Variants in RFC4 observed in about 807,000 individuals in gnomAD.
RFC4 encodes replication factor C subunit 4.
RFC4 carries 38 observed loss-of-function variants against 47.6 expected under a neutral mutation model. The ratio of observed to expected loss-of-function variants is 0.80; its 90% CI spans 0.62 to 1.05. The LOEUF is 1.05. RFC4 is among the 50% of genes least tolerant of loss of function. The probability of loss-of-function intolerance (pLI) is 0.00; values close to 1 mark genes in which losing one functional copy is unlikely to be tolerated. For synonymous variants in RFC4, 164 were observed against 150.0 expected (o/e 1.09, Z -0.68); for missense variants, 489 against 434.0 (o/e 1.13, Z -1.13).
At chr3:186,802,661 A>G (rs1722382456) in intron 2 of RFC4, among the ~76,000 whole-genome samples, 1 of 152,258 alleles carries the variant, frequency 6.6e-6, no homozygotes, top group South Asian at 2.1e-4. Context: ...CTTTGTGCTT[A>G]GTTAACTAAT....
At chr3:186,792,370 G>C in intron 7 of RFC4, 120 bp downstream of exon 7, 2 of 797,618 alleles carry the variant, frequency 2.5e-6, no homozygotes, top group South Asian at 2.0e-5. Flanking sequence ...TTTAGCTTAA[G>C]TTTGTCTGAA....
At chr3:186,802,023 C>CA (rs34264551) in intron 2 of RFC4, among the ~76,000 whole-genome samples, 12,229 of 92,000 alleles carry the variant, frequency 0.13, 846 homozygotes, top group East Asian at 0.19. Flanking sequence ...AACTTTATCT[C>CA]AAAAAAAAAA....
In RFC4 at chr3:186,806,464, G is replaced by C. The variant is rs1259512445; in HGVS notation, c.-186C>G. On this transcript the variant is annotated 5_prime_UTR_variant, in exon 1 of 11. Coordinates refer to ENST00000296273, the MANE Select transcript of RFC4 (RefSeq NM_002916.5). ...CCACAGTCGCCTCAGTTCCCGCCAC[G>C]GAACGGCGGGCGAAAAGCAGGGCGG... 3 of 152,248 alleles carry C rather than the reference G, an allele frequency of 2.0e-5. No homozygotes were observed. The highest frequency in any genetic ancestry group is 3.2e-3 in the Middle Eastern group (1 of 316). 9.4% of individuals were successfully genotyped at this position (152,248 alleles called of 1,614,324 possible).
In RFC4 at chr3:186,801,710, CAA is replaced by C. The variant is rs34281312; in HGVS notation, c.132-517_132-516del. Among the ~76,000 whole-genome samples the C allele has an allele frequency of 3.4e-3, 246 of 72,890 alleles. 1 individual carries two copies. In the Middle Eastern group the frequency reaches 0.034, roughly 10 times the overall value. The allele number at this position is 72,890 out of a possible 152,430, so 47.8% of individuals were successfully genotyped here. A position where few individuals can be genotyped will look rare whatever the true frequency, so the allele number is the denominator to read the frequency against. On this transcript the variant is annotated intron_variant, in intron 2 of 10. Transcript: ENST00000296273. ...TGGGTGACAGAGGGAGACTCTGTCT[CAA>C]AAAAAAAAAAAAAAAAAAAGAAATT...
intron 2 of RFC4, among the ~76,000 whole-genome samples, chr3:186,802,858 G>C (rs1174011216): frequency 6.6e-6 from 1 of 152,144 alleles, no homozygotes; most frequent in Non-Finnish European, 1.5e-5. Context: ...GCAAGATATA[G>C]TAGGGACCAT....
rs775247271 is a variant in RFC4 at position 186,792,570 on chromosome 3, A to T, written c.595T>A (p.Phe199Ile). ...PLTSRCSKFR[F>I]KPLSDKIQQQ... ...TGAATTTTATCTGACAGAGGCTTGA[A>T]GCGGAATTTTGAACATCTAGAGGTC... is the stretch of plus-strand genomic sequence containing the variant. Residue 199 changes from phenylalanine to isoleucine, a missense_variant, in exon 7 of 11, where the codon TTC becomes ATC. This residue lies in a region of RFC4 where 206 missense variants were observed against 257.8 expected (regional missense o/e 0.80). Coordinates refer to ENST00000296273, the MANE Select transcript of RFC4 (RefSeq NM_002916.5). 1 of 1,614,052 alleles carries T rather than the reference A, an allele frequency of 6.2e-7. No homozygotes were observed. Among genetic ancestry groups the T allele is most frequent in the South Asian group, 1.1e-5 (1 of 91,086 alleles).
chr3:186,801,734 A>C (rs1254410581), intron 2 of RFC4, among the ~76,000 whole-genome samples: 3 of 150,778 alleles, frequency 2.0e-5, no homozygotes, highest in African/African-American at 7.3e-5. Flanking sequence ...AAAAAAAAGA[A>C]ATTAAAGTGG....
In RFC4 at chr3:186,792,800, A is replaced by C. The variant is rs1351847551; in HGVS notation, c.554+4T>G. 6.2e-7 allele frequency: 1 copy of C among 1,611,490 alleles called. No individual in the cohort carries two copies. On this transcript the variant is annotated splice_donor_region_variant and intron_variant, in intron 6 of 10. Coordinates refer to ENST00000296273, the MANE Select transcript of RFC4 (RefSeq NM_002916.5). ...AGCATCTGTCTTCAGGGCAATATAC[A>C]TACCGACTGACATAGTTACAGATAA...
Position 186,790,271 on chromosome 3 carries a change from C to G in RFC4, c.883-16G>C, listed in dbSNP as rs1553799077. On this transcript the variant is annotated splice_polypyrimidine_tract_variant and intron_variant, in intron 9 of 10. Coordinates refer to ENST00000296273, the MANE Select transcript of RFC4 (RefSeq NM_002916.5). Reference sequence around the variant, plus strand: ...CTATTAAATCCTATAATAAAAAAAACTTTTGGTATGATGACTTAATATTCC... The same window carrying G: ...CTATTAAATCCTATAATAAAAAAAAGTTTTGGTATGATGACTTAATATTCC... 7 of 1,610,716 alleles carry G rather than the reference C, an allele frequency of 4.3e-6. No homozygotes were observed. In the South Asian group the frequency reaches 7.7e-5, roughly 18 times the overall value.
chr3:186,797,719 T>C, intron 3 of RFC4, 105 bp from the exon 4 acceptor site: 1 of 686,158 alleles, frequency 1.5e-6, no homozygotes. Flanking sequence ...ACTTCTCTAA[T>C]AGGGCACGTA....
chr3:186,804,558 T>C (rs768376730), intron 2 of RFC4, 25 bp downstream of exon 2: 4 of 1,612,106 alleles, frequency 2.5e-6, no homozygotes, highest in Non-Finnish European at 3.4e-6. Context: ...ATGAATTATT[T>C]TAACAAAGAC....
intron 8 of RFC4, chr3:186,791,211 G>A (rs775286566): frequency 3.3e-4 from 51 of 156,180 alleles, no homozygotes; most frequent in Admixed American, 1.0e-3. Context: ...GGCTGGGTGC[G>A]GTGGCTCCCA....
chr3:186,790,555 A>G (rs575292487), intron 8 of RFC4, 149 bp from the exon 9 acceptor site: 3 of 660,476 alleles, frequency 4.5e-6, no homozygotes, highest in East Asian at 2.7e-5. Flanking sequence ...GGAAAGGGCC[A>G]GAGTAACTCC....
chr3:186,791,039 CAA>C (rs1285612571), intron 8 of RFC4, among the ~76,000 whole-genome samples: 1 of 151,970 alleles, frequency 6.6e-6, no homozygotes, highest in Non-Finnish European at 1.5e-5. Flanking sequence ...TGGGAGTATC[CAA>C]AGACAAGTGG....
intron 8 of RFC4, 80 bp from the exon 9 acceptor site, chr3:186,790,486 C>A: frequency 2.1e-6 from 2 of 968,150 alleles, no homozygotes; most frequent in Non-Finnish European, 3.4e-6. Flanking sequence ...CCCCGTGCCC[C>A]CAGTCATTTC....
rs1414730058 is a variant in RFC4, at chr3:186,791,445, G to C, written c.801+280C>G. On this transcript the variant is annotated intron_variant, in intron 8 of 10. Coordinates refer to ENST00000296273, the MANE Select transcript of RFC4 (RefSeq NM_002916.5). ...GTATTGCGTCACTGCACTCCAGCCT[G>C]GGCGACACAGCAAGACTCTGTCTCA... 7 of 372,438 alleles carry C rather than the reference G, an allele frequency of 1.9e-5. No individual in the cohort carries two copies. In the East Asian group the frequency reaches 3.1e-4, roughly 16 times the overall value. 23.1% of individuals were successfully genotyped at this position (372,438 alleles called of 1,614,324 possible). A position where few individuals can be genotyped will look rare whatever the true frequency, so the allele number is the denominator to read the frequency against.
intron 5 of RFC4, among the ~76,000 whole-genome samples, chr3:186,794,341 G>A (rs1228418046): frequency 6.6e-6 from 1 of 152,166 alleles, no homozygotes; most frequent in African/African-American, 2.4e-5. Flanking sequence ...TGCTATAGCG[G>A]TTGTGACTGA....
intron 3 of RFC4, among the ~76,000 whole-genome samples, chr3:186,798,271 C>T (rs192757074): frequency 2.8e-4 from 42 of 152,186 alleles, no homozygotes; most frequent in Non-Finnish European, 4.7e-4. Flanking sequence ...TCTTTTATAC[C>T]TTGTATCTAG....
At chr3:186,802,859 T>A (rs778582875) in intron 2 of RFC4, among the ~76,000 whole-genome samples, 1 of 152,062 alleles carries the variant, frequency 6.6e-6, no homozygotes. Flanking sequence ...CAAGATATAG[T>A]AGGGACCATG....
Sources: gnomAD v4.1 joint callset for allele counts (sites outside exome capture counted in the v4.1 genomes callset) on GRCh38, gnomAD v4.1.1 for gene constraint, gnomAD v4.1.1 regional missense constraint, MANE v1.5 for transcripts, NCBI Gene and HGNC (gene_info 2026-07-23, HGNC 2026-07-21) for gene names.